AGBL1: variants seen among roughly 807,000 people sequenced by gnomAD.
The protein encoded by AGBL1 is AGBL carboxypeptidase 1.
Under a neutral mutation model 118.9 loss-of-function variants are expected in AGBL1, and 130 were observed. That is an observed-to-expected ratio of 1.09 (90% CI 0.95 to 1.26). The LOEUF is 1.26. Ranked by LOEUF, AGBL1 falls within the 50% of genes most tolerant of loss-of-function variation. The probability of loss-of-function intolerance (pLI) is 0.00; values close to 1 mark genes in which losing one functional copy is unlikely to be tolerated. For synonymous variants in AGBL1, 555 were observed against 478.9 expected (o/e 1.16, Z -2.08); for missense variants, 1,584 against 1,298.1 (o/e 1.22, Z -3.38).
intron 19 of AGBL1, among the ~76,000 whole-genome samples, chr15:86,523,415 C>G (rs1042837227): frequency 3.3e-5 from 5 of 150,184 alleles, no homozygotes; most frequent in African/African-American, 7.6e-5. Context: ...ATGGCCTCAT[C>G]ATAGTTTTAT....
chr15:86,985,638 A>G (rs2141730099), intron 23 of AGBL1, among the ~76,000 whole-genome samples: 1 of 150,710 alleles, frequency 6.6e-6, no homozygotes, highest in East Asian at 2.0e-4. Context: ...TTTTTTTATC[A>G]GATTTGTGTT....
chr15:87,026,549 G>A (rs1054752932), intron 24 of AGBL1, among the ~76,000 whole-genome samples: 2 of 152,058 alleles, frequency 1.3e-5, no homozygotes, highest in Admixed American at 6.6e-5. Context: ...CTGCTGGTGG[G>A]AATGTAAACT....
At position 86,268,979 on chromosome 15, in the gene AGBL1, A is replaced by T. The variant is rs116010049; in HGVS notation, c.1839-940A>T. 9.9e-3 allele frequency among the ~76,000 whole-genome samples: 1,514 copies of T among 152,328 alleles called. 27 individuals carry two copies. Among genetic ancestry groups the T allele is most frequent in the African/African-American group, 0.035 (1,439 of 41,572 alleles). On this transcript the variant is annotated intron_variant, in intron 13 of 22. Coordinates refer to ENST00000614907, the MANE Select transcript of AGBL1 (RefSeq NM_001386094.1). ...GGAGCAACATTTTTAAAAATGAAAT[A>T]TCCTGATAATGTTTAAGTCAAAACT...
chr15:86,383,770 C>T (rs989767244), intron 17 of AGBL1, among the ~76,000 whole-genome samples: 3 of 152,132 alleles, frequency 2.0e-5, no homozygotes, highest in African/African-American at 7.2e-5. Context: ...GAAACTCTGT[C>T]CCGGAGCCCA....
chr15:86,447,398 A>G (rs16977257), intron 18 of AGBL1, among the ~76,000 whole-genome samples: 6,657 of 152,308 alleles, frequency 0.044, 194 homozygotes, highest in South Asian at 0.097. Flanking sequence ...GGGCACTGCC[A>G]TGTGTAGCCT....
chr15:86,999,230 TTTA>T, intron 24 of AGBL1, among the ~76,000 whole-genome samples: 1 of 151,072 alleles, frequency 6.6e-6, no homozygotes, highest in Non-Finnish European at 1.5e-5. Context: ...ATATATATTT[TTTA>T]TTATACTTTT....
intron 24 of AGBL1, among the ~76,000 whole-genome samples, chr15:86,996,785 C>T (rs2081384251): frequency 6.6e-6 from 1 of 152,092 alleles, no homozygotes; most frequent in African/African-American, 2.4e-5. Context: ...ATTTACAATT[C>T]AATAGCAACG....
At chr15:86,760,428 C>CT (rs2078007380) in intron 22 of AGBL1, among the ~76,000 whole-genome samples, 1 of 152,070 alleles carries the variant, frequency 6.6e-6, no homozygotes, top group Non-Finnish European at 1.5e-5. Context: ...CTAGATTCCC[C>CT]TAGACCATTA....
chr15:86,614,516 G>GA (rs200686410), intron 21 of AGBL1, among the ~76,000 whole-genome samples: 3,060 of 152,296 alleles, frequency 0.02, 40 homozygotes, highest in Middle Eastern at 0.034. Context: ...GTGGTACCCT[G>GA]ATGGAATACT....
In AGBL1 at chr15:86,756,256, G is replaced by A. The variant is rs542996094; in HGVS notation, c.3158+81820G>A. ...AGTGCCCCCGCCCCCACCAAAAAAA[G>A]AAAAAGACTACACAGCCATTTTCTC... On this transcript the variant is annotated intron_variant, in intron 22 of 22. Coordinates refer to ENST00000614907, the MANE Select transcript of AGBL1 (RefSeq NM_001386094.1). 3.3e-5 allele frequency among the ~76,000 whole-genome samples: 5 copies of A among 151,028 alleles called. No homozygotes were observed. In the South Asian group the frequency reaches 1.0e-3, roughly 32 times the overall value.
intron 6 of AGBL1, among the ~76,000 whole-genome samples, chr15:86,243,046 T>C (rs574841651): frequency 6.6e-6 from 1 of 152,352 alleles, no homozygotes; most frequent in East Asian, 1.9e-4. Context: ...AGTTGATTAC[T>C]ATGTCAACCT....
At chr15:86,701,141 C>T (rs2086351529) in intron 22 of AGBL1, among the ~76,000 whole-genome samples, 1 of 152,090 alleles carries the variant, frequency 6.6e-6, no homozygotes, top group African/African-American at 2.4e-5. Context: ...AATTTTGTGC[C>T]TGCTTTGGAA....
chr15:86,825,778 C>T (rs1306940599), intron 22 of AGBL1, among the ~76,000 whole-genome samples: 2 of 151,048 alleles, frequency 1.3e-5, no homozygotes, highest in African/African-American at 4.9e-5. Flanking sequence ...GGATACCTAT[C>T]AGAATGGCTA....
At chr15:86,904,895 C>G (rs1293152080) in intron 22 of AGBL1, among the ~76,000 whole-genome samples, 3 of 151,994 alleles carry the variant, frequency 2.0e-5, no homozygotes, top group African/African-American at 7.2e-5. Flanking sequence ...GATCTCATTA[C>G]ATTCTAGGTG....
At chr15:86,550,641 A>G (rs576965373) in intron 20 of AGBL1, among the ~76,000 whole-genome samples, 62 of 152,256 alleles carry the variant, frequency 4.1e-4, no homozygotes, top group African/African-American at 1.4e-3. Context: ...GAAAGAAGGC[A>G]TTTAAAATTT....
At chr15:86,395,917 A>G (rs752839267) in intron 17 of AGBL1, among the ~76,000 whole-genome samples, 1 of 151,826 alleles carries the variant, frequency 6.6e-6, no homozygotes, top group Non-Finnish European at 1.5e-5. Flanking sequence ...TTTGTGCACA[A>G]TTTGAAACAC....
chr15:86,795,611 T>C (rs907547582), intron 22 of AGBL1, among the ~76,000 whole-genome samples: 23 of 148,628 alleles, frequency 1.5e-4, no homozygotes, highest in African/African-American at 5.7e-4. Flanking sequence ...TGAGACGGAA[T>C]TTCACTCTTG....
chr15:86,782,746 G>A (rs2078352583), intron 22 of AGBL1, among the ~76,000 whole-genome samples: 1 of 152,168 alleles, frequency 6.6e-6, no homozygotes, highest in South Asian at 2.1e-4. Context: ...CATATACTTA[G>A]AAAACATTTT....
chr15:86,748,667 C>T (rs2077796992), intron 22 of AGBL1, among the ~76,000 whole-genome samples: 1 of 151,116 alleles, frequency 6.6e-6, no homozygotes, highest in Non-Finnish European at 1.5e-5. Context: ...GTCTTTAATC[C>T]ATCTTGAATT....
Sources: gnomAD v4.1 joint callset for allele counts (sites outside exome capture counted in the v4.1 genomes callset) on GRCh38, gnomAD v4.1.1 for gene constraint, MANE v1.5 for transcripts, NCBI Gene and HGNC (gene_info 2026-07-23, HGNC 2026-07-21) for gene names.